The following SPON1 variants were observed in gnomAD, a reference collection of about 807,000 sequenced individuals.
SPON1 encodes the protein spondin 1.
Under a neutral mutation model 111.7 loss-of-function variants are expected in SPON1, and 52 were observed. That is an observed-to-expected ratio of 0.47 (90% CI 0.37 to 0.59). The LOEUF is 0.59. Ranked by LOEUF, SPON1 falls within the 20% of genes least tolerant of loss-of-function variation. The probability of loss-of-function intolerance (pLI) is 0.00; values close to 1 mark genes in which losing one functional copy is unlikely to be tolerated. For missense variants in SPON1, 957 were observed against 1,068.5 expected (o/e 0.90, Z 1.46); for synonymous variants, 410 against 395.8 (o/e 1.04, Z -0.43).
At chr11:13,980,217 T>A (rs1328457640) in intron 1 of SPON1, among the ~76,000 whole-genome samples, 3 of 152,084 alleles carry the variant, frequency 2.0e-5, no homozygotes, top group African/African-American at 7.2e-5. Context: ...ATTTTTTGTA[T>A]TTTTAGTAGA....
At chr11:14,160,972 T>TATATTTATATATG in intron 6 of SPON1, among the ~76,000 whole-genome samples, 5 of 38,184 alleles carry the variant, frequency 1.3e-4, no homozygotes, top group Non-Finnish European at 1.4e-4. Context: ...TTTATATATA[T>TATATTTATATATG]TTTTATATAT....
intron 6 of SPON1, among the ~76,000 whole-genome samples, chr11:14,235,375 A>T (rs1241992042): frequency 3.3e-5 from 5 of 152,094 alleles, no homozygotes; most frequent in African/African-American, 1.2e-4. Context: ...GCAGGGGGAG[A>T]TAGACAATAA....
At chr11:14,027,363 A>G (rs1167612366) in intron 2 of SPON1, among the ~76,000 whole-genome samples, 1 of 152,196 alleles carries the variant, frequency 6.6e-6, no homozygotes, top group Non-Finnish European at 1.5e-5. Context: ...ACTGCCTAGT[A>G]TGAGTTTACC....
chr11:13,975,098 A>G (rs1481861776), intron 1 of SPON1, among the ~76,000 whole-genome samples: 2 of 152,246 alleles, frequency 1.3e-5, no homozygotes, highest in East Asian at 1.9e-4. Flanking sequence ...TCTCCTCTGC[A>G]ACCCCAGAAC....
chr11:14,057,767 G>A (rs1554919355), intron 3 of SPON1, among the ~76,000 whole-genome samples: 1 of 145,856 alleles, frequency 6.9e-6, no homozygotes, highest in Non-Finnish European at 1.5e-5. Flanking sequence ...AGCTGAGGCT[G>A]GAAGATTGCT....
intron 6 of SPON1, among the ~76,000 whole-genome samples, chr11:14,170,857 G>T (rs2133881690): frequency 6.6e-6 from 1 of 152,268 alleles, no homozygotes; most frequent in East Asian, 1.9e-4. Context: ...CTTGATCATG[G>T]TGGATAAGCT....
intron 6 of SPON1, among the ~76,000 whole-genome samples, chr11:14,232,352 C>G (rs1294191931): frequency 6.6e-6 from 1 of 152,158 alleles, no homozygotes; most frequent in Non-Finnish European, 1.5e-5. Context: ...GGCTCATTCT[C>G]CAGCACGTGG....
At chr11:14,082,974 T>TA (rs1848975632) in intron 5 of SPON1, among the ~76,000 whole-genome samples, 1 of 152,162 alleles carries the variant, frequency 6.6e-6, no homozygotes, top group Non-Finnish European at 1.5e-5. Context: ...TTTGTATGCT[T>TA]AAAAAATCTT....
chr11:14,082,246 T>C (rs1278489782), intron 5 of SPON1, among the ~76,000 whole-genome samples: 1 of 152,200 alleles, frequency 6.6e-6, no homozygotes, highest in Non-Finnish European at 1.5e-5. Flanking sequence ...ATACAGAGTT[T>C]CTGTGGAGTT....
chr11:14,186,837 A>G (rs980853929), intron 6 of SPON1, among the ~76,000 whole-genome samples: 2 of 152,216 alleles, frequency 1.3e-5, no homozygotes, highest in Non-Finnish European at 2.9e-5. Context: ...GAAATCTTCT[A>G]TCTCCTTAAA....
chr11:13,963,282 T>C, intron 1 of SPON1, 140 bp downstream of exon 1: 1 of 603,006 alleles, frequency 1.7e-6, no homozygotes, highest in South Asian at 2.5e-5. Flanking sequence ...CTGTCCTGGC[T>C]GCCCTCGGCC....
intron 3 of SPON1, among the ~76,000 whole-genome samples, chr11:14,072,052 T>C (rs1848881275): frequency 6.6e-6 from 1 of 152,194 alleles, no homozygotes; most frequent in South Asian, 2.1e-4. Flanking sequence ...ATAGAGGTAT[T>C]AGTGGTATAT....
intron 2 of SPON1, among the ~76,000 whole-genome samples, chr11:14,006,671 C>G (rs1255876715): frequency 1.3e-5 from 2 of 152,170 alleles, no homozygotes; most frequent in Non-Finnish European, 2.9e-5. Flanking sequence ...TAGCTAAGCT[C>G]ATCATCTCAG....
intron 3 of SPON1, among the ~76,000 whole-genome samples, chr11:14,045,669 T>C (rs113648059): frequency 0.039 from 5,774 of 149,074 alleles, 120 homozygotes; most frequent in Non-Finnish European, 0.047. Flanking sequence ...TTTTTATAAA[T>C]ATATGTAAAT....
chr11:14,263,522 C>T (rs1260999523), intron 15 of SPON1, among the ~76,000 whole-genome samples: 1 of 152,086 alleles, frequency 6.6e-6, no homozygotes, highest in Non-Finnish European at 1.5e-5. Flanking sequence ...CAAGGCTAAC[C>T]AGAAGTTTAT....
intron 7 of SPON1, among the ~76,000 whole-genome samples, chr11:14,249,086 A>C (rs1849025055): frequency 6.6e-6 from 1 of 152,188 alleles, no homozygotes; most frequent in South Asian, 2.1e-4. Flanking sequence ...TTTTACAAAT[A>C]ACTTTTATTT....
At chr11:14,078,058 G>A (rs1035293396) in intron 4 of SPON1, among the ~76,000 whole-genome samples, 5 of 152,170 alleles carry the variant, frequency 3.3e-5, no homozygotes, top group African/African-American at 1.2e-4. Context: ...GCCTGCTGTG[G>A]TTAGAAGAGG....
chr11:14,147,120 C>T (rs1847730048), intron 6 of SPON1, among the ~76,000 whole-genome samples: 1 of 143,478 alleles, frequency 7.0e-6, no homozygotes, highest in African/African-American at 2.6e-5. Flanking sequence ...GCCTCCACCT[C>T]CCGGGTTCAA....
chr11:14,038,330 G>A (rs550800784), intron 2 of SPON1, among the ~76,000 whole-genome samples: 43 of 152,138 alleles, frequency 2.8e-4, no homozygotes, highest in Middle Eastern at 3.4e-3. Context: ...TTAGTCAGAC[G>A]TGGTGGTGGG....
Sources: gnomAD v4.1 joint callset for allele counts (sites outside exome capture counted in the v4.1 genomes callset) on GRCh38, gnomAD v4.1.1 for gene constraint, MANE v1.5 for transcripts, NCBI Gene and HGNC (gene_info 2026-07-23, HGNC 2026-07-21) for gene names.